ARSG: variants seen among roughly 807,000 people sequenced by gnomAD.
ARSG encodes arylsulfatase G.
Under a neutral mutation model 50.5 loss-of-function variants are expected in ARSG, and 37 were observed. The observed-to-expected ratio is 0.73, with a 90% CI of 0.56 to 0.96. The LOEUF (loss-of-function observed/expected upper bound fraction) is 0.96, where lower values mean the gene tolerates loss of function less well. Among genes scored for constraint, ARSG ranks in the 50% least tolerant of loss-of-function variants. The pLI, the probability that ARSG is intolerant of heterozygous loss-of-function variation, is 0.00. For missense variants in ARSG, 629 were observed against 675.3 expected, an observed-to-expected ratio of 0.93 and a Z score of 0.76; for synonymous variants, 225 against 254.6, an observed-to-expected ratio of 0.88 and a Z score of 1.11.
chr17:68,277,778 C>T (rs74966172), intron 1 of ARSG, among the ~76,000 whole-genome samples: 4,001 of 152,286 alleles, frequency 0.026, 68 homozygotes, highest in Non-Finnish European at 0.037. Flanking sequence ...CTCACATCCT[C>T]ACAAAAGGAG....
At chr17:68,285,949 C>G (rs1555754214) in intron 1 of ARSG, among the ~76,000 whole-genome samples, 1 of 152,086 alleles carries the variant, frequency 6.6e-6, no homozygotes, top group Non-Finnish European at 1.5e-5. Context: ...TTAGTAGAGA[C>G]AGGGTTTCAC....
chr17:68,288,666 C>A (rs142867613), upstream of ARSG, among the ~76,000 whole-genome samples: 1,302 of 152,334 alleles, frequency 8.5e-3, 8 homozygotes, highest in Middle Eastern at 0.024. Flanking sequence ...TAGATCTCTT[C>A]CTGCCCTAAT....
intron 6 of ARSG, among the ~76,000 whole-genome samples, chr17:68,366,908 C>T (rs1388703019): frequency 6.6e-6 from 1 of 152,100 alleles, no homozygotes; most frequent in Admixed American, 6.6e-5. Flanking sequence ...TTCTTCCCCG[C>T]AGTGCCCCGC....
chr17:68,387,369 T>G (rs1380197498), intron 9 of ARSG, among the ~76,000 whole-genome samples: 1 of 152,184 alleles, frequency 6.6e-6, no homozygotes, highest in Non-Finnish European at 1.5e-5. Context: ...TCCCAAGCAC[T>G]CTTCCCTCCT....
intron 6 of ARSG, among the ~76,000 whole-genome samples, chr17:68,366,330 A>T (rs1405102975): frequency 1.3e-5 from 2 of 152,170 alleles, no homozygotes; most frequent in Non-Finnish European, 2.9e-5. Context: ...TTTGCAAAAT[A>T]CTTGAAATTT....
At chr17:68,402,716 AG>A (rs1440602420) in intron 11 of ARSG, among the ~76,000 whole-genome samples, 2 of 150,330 alleles carry the variant, frequency 1.3e-5, no homozygotes, top group Non-Finnish European at 3.0e-5. Flanking sequence ...TAGTAGAGAC[AG>A]GGTTTCACCG....
chr17:68,312,069 C>T (rs1248405434), intron 2 of ARSG, among the ~76,000 whole-genome samples: 4 of 151,996 alleles, frequency 2.6e-5, no homozygotes, highest in Non-Finnish European at 4.4e-5. Context: ...CAAAGTGCTG[C>T]GATTACAGGT....
the ARSG span, among the ~76,000 whole-genome samples, chr17:68,438,958 C>T: frequency 6.6e-6 from 1 of 152,168 alleles, no homozygotes; most frequent in Non-Finnish European, 1.5e-5. Flanking sequence ...CACTGTACAA[C>T]CACTAGGATG....
chr17:68,346,957 C>T (rs1471839985), intron 3 of ARSG, 168 bp from the exon 4 acceptor site: 19 of 1,520,496 alleles, frequency 1.2e-5, no homozygotes, highest in Admixed American at 2.0e-5. Context: ...GACACCGTCT[C>T]GGCCCCAGAG....
In ARSG at chr17:68,307,634, G is replaced by T. The variant is rs782729849; in HGVS notation, c.141G>T (p.Gly47=). The stretch of plus-strand genomic sequence containing the variant: ...TGATTATTTTGGCCGATGACATGGG[G>T]TGGGGTGACCTGGGAGCAAACTGGG... ...NFVIILADDM[G]WGDLGANWAE... Residue 47 remains glycine (G), a synonymous_variant, in exon 2 of 12, where the codon GGG becomes GGT. Transcript: ENST00000621439. The T allele has an allele frequency of 1.9e-6, 3 of 1,613,352 alleles. No individual in the cohort carries two copies. The highest frequency in any genetic ancestry group is 8.5e-7 in the Non-Finnish European group (1 of 1,179,310).
At chr17:68,359,583 T>C (rs1468940759) in intron 6 of ARSG, 1 of 152,182 alleles carries the variant, frequency 6.6e-6, no homozygotes, top group Non-Finnish European at 1.5e-5. Context: ...TGCACGGCTG[T>C]CCACTTGGGC....
rs143703940 is a variant in ARSG, at chr17:68,419,513, T to C, written c.1304-676T>C. Among the ~76,000 whole-genome samples, 436 of 152,122 alleles carry C rather than the reference T, an allele frequency of 2.9e-3. 1 individual carries two copies. Among genetic ancestry groups the C allele is most frequent in the African/African-American group, 0.01 (427 of 41,496 alleles). ...ATTGCTTGAACCTGGGAGGCAGAGG[T>C]TGCAGTGAGCTGAAGATTGTGCCAT... On this transcript the variant is annotated intron_variant, in intron 11 of 11. Coordinates refer to ENST00000621439, the MANE Select transcript of ARSG (RefSeq NM_001267727.2).
chr17:68,402,809 G>C (rs979876720), intron 11 of ARSG, among the ~76,000 whole-genome samples: 2 of 152,212 alleles, frequency 1.3e-5, no homozygotes, highest in African/African-American at 2.4e-5. Flanking sequence ...ACAGGCATGA[G>C]CCACCTTGCC....
At chr17:68,429,068 G>A in the ARSG span, 1 of 658,212 alleles carries the variant, frequency 1.5e-6, no homozygotes, top group Admixed American at 2.5e-5. Context: ...CCACTGATCT[G>A]GTCTGGGCTT....
intron 5 of ARSG, among the ~76,000 whole-genome samples, chr17:68,352,109 GAGA>G (rs2078803111): frequency 8.0e-6 from 1 of 125,468 alleles, no homozygotes; most frequent in Non-Finnish European, 1.7e-5. Context: ...GAGAGAGAGA[GAGA>G]GACAGAGGAG....
intron 1 of ARSG, among the ~76,000 whole-genome samples, chr17:68,265,712 GT>G (rs11368011): frequency 0.62 from 83,371 of 134,194 alleles, 25,660 homozygotes; most frequent in East Asian, 0.76. Context: ...CCAGTCCACT[GT>G]TTTTTTTTTT....
At chr17:68,347,029 AAGCTAATGGAG>A in intron 3 of ARSG, 85 bp from the exon 4 acceptor site, 2 of 1,577,840 alleles carry the variant, frequency 1.3e-6, no homozygotes, top group Non-Finnish European at 1.7e-6. Flanking sequence ...GTGCGAGGCG[AAGCTAATGGAG>A]AGCTGAGTGT....
Position 68,420,637 on chromosome 17 carries a change from G to A in ARSG, c.*174G>A, listed in dbSNP as rs1207534975. 1.6e-5 allele frequency: 12 copies of A among 746,724 alleles called. No individual in the cohort carries two copies. The highest frequency in any genetic ancestry group is 2.6e-5 in the Non-Finnish European group (12 of 467,036). The allele number at this position is 746,724 out of a possible 1,614,324, so 46.3% of individuals were successfully genotyped here. A position where few individuals can be genotyped will look rare whatever the true frequency, so the allele number is the denominator to read the frequency against. On this transcript the variant is annotated 3_prime_UTR_variant, in exon 12 of 12. Transcript: ENST00000621439. ...CTGTCCCTCCTCCACGCCGACCCGA[G>A]AGCAGCTGAGCTGCGCTGGCTCTGG...
rs562372147 is a variant in ARSG at position 68,407,860 on chromosome 17, C to T, written c.1303+6410C>T. Among the ~76,000 whole-genome samples, 256 of 151,988 alleles carry T rather than the reference C, an allele frequency of 1.7e-3. 3 individuals carry two copies. The highest frequency in any genetic ancestry group is 1.9e-3 in the Non-Finnish European group (129 of 67,964). On this transcript the variant is annotated intron_variant, in intron 11 of 11. Transcript: ENST00000621439. ...AATGCCCTTTTACTGATTTGAATGC[C>T]CTTTACTTCTTTCTCTTGTCTTGCT...
Sources: gnomAD v4.1 joint callset for allele counts (sites outside exome capture counted in the v4.1 genomes callset) on GRCh38, gnomAD v4.1.1 for gene constraint, MANE v1.5 for transcripts, NCBI Gene and HGNC (gene_info 2026-07-23, HGNC 2026-07-21) for gene names.